Variants in CR1L observed in about 807,000 individuals in gnomAD.
CR1L encodes complement C3b/C4b receptor 1 like, also known as complement component receptor 1-like protein.
In CR1L, 59 loss-of-function variants were observed where a neutral mutation model predicts 62.3. That is an observed-to-expected ratio of 0.95 (90% CI 0.77 to 1.18). The LOEUF (loss-of-function observed/expected upper bound fraction) is 1.18, where lower values mean the gene tolerates loss of function less well. CR1L is among the 50% of genes most tolerant of loss of function. CR1L has a pLI of 0.00. For missense variants in CR1L, 700 were observed against 702.8 expected, an observed-to-expected ratio of 1.00 and a Z score of 0.04; for synonymous variants, 279 against 248.7, an observed-to-expected ratio of 1.12 and a Z score of -1.15.
At position 207,722,575 on chromosome 1, in the gene CR1L, A is replaced by G. The variant is rs1409310496; in HGVS notation, c.1643-1043A>G. Among the ~76,000 whole-genome samples, 5 of 152,090 alleles carry G rather than the reference A, an allele frequency of 3.3e-5. No individual in the cohort carries two copies. In the East Asian group the frequency reaches 5.8e-4, roughly 18 times the overall value. Reference sequence around the variant, plus strand: ...ATATCTCTGTTTTGGTACCAGTACCATGCTGTTTTGGTTACTGTAGCCTTG... The same window carrying G: ...ATATCTCTGTTTTGGTACCAGTACCGTGCTGTTTTGGTTACTGTAGCCTTG... On this transcript the variant is annotated intron_variant, in intron 11 of 11. Transcript: ENST00000508064.
intron 4 of CR1L, among the ~76,000 whole-genome samples, chr1:207,692,789 C>T (rs539697017): frequency 2.0e-5 from 3 of 151,652 alleles, no homozygotes; most frequent in African/African-American, 7.2e-5. Flanking sequence ...ACCCCCAGCC[C>T]GTAATAAAAT....
intron 10 of CR1L, among the ~76,000 whole-genome samples, 172 bp from the exon 11 acceptor site, chr1:207,717,292 A>T (rs1460851558): frequency 6.6e-6 from 1 of 152,222 alleles, no homozygotes; most frequent in East Asian, 1.9e-4. Context: ...AGGTCTCACA[A>T]CAGTTAGTTG....
intron 4 of CR1L, among the ~76,000 whole-genome samples, chr1:207,691,675 C>G (rs1663998027): frequency 6.6e-6 from 1 of 151,998 alleles, no homozygotes; most frequent in South Asian, 2.1e-4. Flanking sequence ...ATTCTTAAAT[C>G]ACTACTCTAG....
intron 3 of CR1L, among the ~76,000 whole-genome samples, chr1:207,680,151 A>G (rs1457086794): frequency 6.6e-6 from 1 of 152,240 alleles, no homozygotes; most frequent in African/African-American, 2.4e-5. Flanking sequence ...GTTGCAAAAA[A>G]TATTTACCAC....
At chr1:207,663,801 T>A (rs1427970693) in intron 1 of CR1L, among the ~76,000 whole-genome samples, 3 of 152,208 alleles carry the variant, frequency 2.0e-5, no homozygotes, top group Non-Finnish European at 4.4e-5. Flanking sequence ...TTCAGAGTGA[T>A]CTGTTGACAC....
intron 1 of CR1L, among the ~76,000 whole-genome samples, chr1:207,647,866 G>A (rs1206236835): frequency 1.3e-5 from 2 of 152,138 alleles, no homozygotes; most frequent in African/African-American, 4.8e-5. Flanking sequence ...AGGGTGATGG[G>A]ATTAGGGAGC....
At chr1:207,699,561 G>T (rs1664160483) in intron 8 of CR1L, among the ~76,000 whole-genome samples, 3 of 152,072 alleles carry the variant, frequency 2.0e-5, no homozygotes, top group Admixed American at 2.0e-4. Flanking sequence ...TTTACAATTT[G>T]CTTTCTTTCT....
intron 1 of CR1L, among the ~76,000 whole-genome samples, chr1:207,669,753 T>A (rs907837859): frequency 1.3e-5 from 2 of 151,306 alleles, no homozygotes; most frequent in Non-Finnish European, 2.9e-5. Flanking sequence ...CTGGAGACCC[T>A]CGCTGCCTCT....
At chr1:207,648,208 C>CACACACAG (rs1553240823) in intron 1 of CR1L, among the ~76,000 whole-genome samples, 777 of 53,834 alleles carry the variant, frequency 0.014, 5 homozygotes, top group African/African-American at 0.052. Flanking sequence ...CACACACAGA[C>CACACACAG]ACACACACAC....
At chr1:207,677,678 G>C in intron 2 of CR1L, 110 bp downstream of exon 2, 1 of 1,260,068 alleles carries the variant, frequency 7.9e-7, no homozygotes, top group Non-Finnish European at 1.1e-6. Flanking sequence ...GTTTGCTAAG[G>C]TGCAATACAT....
At chr1:207,713,015 G>A (rs1295125629) in intron 10 of CR1L, among the ~76,000 whole-genome samples, 1 of 152,076 alleles carries the variant, frequency 6.6e-6, no homozygotes, top group Non-Finnish European at 1.5e-5. Context: ...TCCAATTAAG[G>A]AGCTGACCTA....
At chr1:207,680,537 TAAA>T (rs66787201) in intron 3 of CR1L, among the ~76,000 whole-genome samples, 39,706 of 150,866 alleles carry the variant, frequency 0.26, 5,715 homozygotes, top group East Asian at 0.65. Context: ...TATCTCAAAA[TAAA>T]AAAATTTTTT....
At chr1:207,696,566 G>A (rs970957639) in intron 5 of CR1L, among the ~76,000 whole-genome samples, 2 of 152,182 alleles carry the variant, frequency 1.3e-5, no homozygotes, top group African/African-American at 4.8e-5. Context: ...AACACTGGGT[G>A]ATGAGCCCTG....
intron 8 of CR1L, among the ~76,000 whole-genome samples, chr1:207,701,305 T>A (rs1664187185): frequency 6.6e-6 from 1 of 152,186 alleles, no homozygotes; most frequent in Non-Finnish European, 1.5e-5. Flanking sequence ...TAAATCTAGA[T>A]CTAGATAGAT....
chr1:207,648,072 G>A (rs1009563998), intron 1 of CR1L, among the ~76,000 whole-genome samples: 23 of 151,848 alleles, frequency 1.5e-4, no homozygotes, highest in African/African-American at 5.1e-4. Flanking sequence ...GCTGAAGGGC[G>A]TGAAGGGGGA....
intron 4 of CR1L, among the ~76,000 whole-genome samples, chr1:207,688,436 A>G (rs746960742): frequency 6.6e-6 from 1 of 151,638 alleles, no homozygotes; most frequent in Non-Finnish European, 1.5e-5. Context: ...CCATACTATA[A>G]TGGCAAAAAA....
At chr1:207,689,646 AT>A (rs1308221160) in intron 4 of CR1L, among the ~76,000 whole-genome samples, 2 of 151,654 alleles carry the variant, frequency 1.3e-5, no homozygotes, top group African/African-American at 4.8e-5. Flanking sequence ...AAAATTGTTT[AT>A]TTTTTTCTAG....
intron 10 of CR1L, among the ~76,000 whole-genome samples, chr1:207,714,511 T>A (rs1401201724): frequency 6.6e-6 from 1 of 152,140 alleles, no homozygotes; most frequent in African/African-American, 2.4e-5. Flanking sequence ...CTGCCTGTGA[T>A]TTGTCTGCCT....
intron 7 of CR1L, among the ~76,000 whole-genome samples, chr1:207,698,313 G>A (rs755790134): frequency 2.0e-4 from 30 of 152,118 alleles, no homozygotes; most frequent in Admixed American, 5.2e-4. Flanking sequence ...TAAACCATCA[G>A]TAATGAAATT....
Sources: allele counts gnomAD v4.1 joint callset (sites outside exome capture counted in the v4.1 genomes callset), GRCh38; gene constraint gnomAD v4.1.1; transcripts MANE v1.5; gene names NCBI Gene and HGNC (gene_info 2026-07-23, HGNC 2026-07-21).